FAM120B: variants seen among roughly 807,000 people sequenced by gnomAD.
FAM120B encodes constitutive coactivator of peroxisome proliferator-activated receptor gamma.
A neutral mutation model predicts 96.3 loss-of-function variants in FAM120B; 83 were observed. The observed-to-expected ratio is 0.86, with a 90% CI of 0.72 to 1.03. The LOEUF (loss-of-function observed/expected upper bound fraction) is 1.03, where lower values mean the gene tolerates loss of function less well. Among genes scored for constraint, FAM120B ranks in the 50% least tolerant of loss-of-function variants. The pLI, the probability that FAM120B is intolerant of heterozygous loss-of-function variation, is 0.00. For synonymous variants in FAM120B, 407 were observed against 402.7 expected, an observed-to-expected ratio of 1.01 and a Z score of -0.13; for missense variants, 1,027 against 1,121.2, an observed-to-expected ratio of 0.92 and a Z score of 1.20.
At chr6:170,310,184 C>T (rs528200654) in intron 1 of FAM120B, among the ~76,000 whole-genome samples, 14 of 152,308 alleles carry the variant, frequency 9.2e-5, no homozygotes, top group Admixed American at 8.5e-4. Context: ...AAATAAGTGT[C>T]TTGTGAGTAA....
intron 6 of FAM120B, among the ~76,000 whole-genome samples, chr6:170,379,217 C>A (rs1156598856): frequency 1.3e-5 from 2 of 152,216 alleles, no homozygotes; most frequent in Non-Finnish European, 2.9e-5. Flanking sequence ...TAACTTCTAA[C>A]TGAAGTTTAT....
chr6:170,314,036 G>GT (rs1474077697), intron 1 of FAM120B, among the ~76,000 whole-genome samples: 2 of 152,238 alleles, frequency 1.3e-5, no homozygotes, highest in African/African-American at 2.4e-5. Flanking sequence ...CTCAAGGTTT[G>GT]TAAGTTGAAA....
At chr6:170,337,966 C>CA (rs34223045) in intron 4 of FAM120B, among the ~76,000 whole-genome samples, 203 of 150,306 alleles carry the variant, frequency 1.4e-3, no homozygotes, top group African/African-American at 3.6e-3. Flanking sequence ...TTAATCTTTT[C>CA]AAAAAAAAAC....
chr6:170,369,359 C>T (rs1200534795), intron 6 of FAM120B, among the ~76,000 whole-genome samples: 1 of 152,194 alleles, frequency 6.6e-6, no homozygotes, highest in Non-Finnish European at 1.5e-5. Flanking sequence ...GTGCGTCTGC[C>T]TCCTGGACTT....
At chr6:170,303,404 C>A (rs1203159565), upstream of FAM120B, among the ~76,000 whole-genome samples, 1 of 152,042 alleles carries the variant, frequency 6.6e-6, no homozygotes, top group East Asian at 1.9e-4. Flanking sequence ...CATGCCTGGC[C>A]AATTTTTAAA....
At chr6:170,367,017 A>G (rs1788845323) in intron 6 of FAM120B, among the ~76,000 whole-genome samples, 1 of 152,232 alleles carries the variant, frequency 6.6e-6, no homozygotes, top group Admixed American at 6.5e-5. Flanking sequence ...TCTTCTCACC[A>G]GAAACAGTTC....
Position 170,323,130 on chromosome 6 carries a change from A to C in FAM120B, c.1786A>C (p.Met596Leu), listed in dbSNP as rs1258454745. The C allele has an allele frequency of 6.2e-7, 1 of 1,614,114 alleles. No individual in the cohort carries two copies. Among genetic ancestry groups the C allele is most frequent in the East Asian group, 2.2e-5 (1 of 44,868 alleles). Residue 596 changes from methionine to leucine, a missense_variant, in exon 3 of 11, where the codon ATG becomes CTG. Physicochemically the swap from Met to Leu is conservative, Grantham distance 15 (BLOSUM62 2). Around this residue, in one of 3 missense-constraint regions of FAM120B, gnomAD observed 880 missense variants for 980.9 expected, o/e 0.90. Coordinates refer to ENST00000476287, the MANE Select transcript of FAM120B (RefSeq NM_032448.3). ...AGAAAGCTACCTGGTGTACAACATC[A>C]TGAGCAGTGGAGAGATTGAATGCAG... ...QAESYLVYNI[M>L]SSGEIECSNT...
Position 170,318,934 on chromosome 6 carries a change from T to C in FAM120B, c.1544T>C (p.Ile515Thr). The C allele has an allele frequency of 8.7e-6, 14 of 1,614,212 alleles. No individual in the cohort carries two copies. Among genetic ancestry groups the C allele is most frequent in the Non-Finnish European group, 1.1e-5 (13 of 1,180,034 alleles). Residue 515 changes from isoleucine (I) to threonine (T), a missense_variant, in exon 2 of 11, where the codon ATA becomes ACA. Around this residue, in one of 3 missense-constraint regions of FAM120B, gnomAD observed 880 missense variants for 980.9 expected, o/e 0.90. Transcript: ENST00000476287. ...KQEVPICTDP[I>T]SKQEDSMCTH... ...GAAGTTCCCATATGTACAGATCCTATATCCAAGCAAGAAGACTCCATGTGT... is the reference window on the plus strand; with the variant it reads ...GAAGTTCCCATATGTACAGATCCTACATCCAAGCAAGAAGACTCCATGTGT...
chr6:170,343,405 A>G (rs59602101), intron 4 of FAM120B, among the ~76,000 whole-genome samples: 1 of 152,252 alleles, frequency 6.6e-6, no homozygotes, highest in East Asian at 1.9e-4. Flanking sequence ...GGAGAGAGCT[A>G]TGGAGGTATC....
chr6:170,387,586 C>T (rs1015484147), intron 6 of FAM120B, among the ~76,000 whole-genome samples: 1 of 152,094 alleles, frequency 6.6e-6, no homozygotes, highest in South Asian at 2.1e-4. Flanking sequence ...ATAGCTTCCC[C>T]GTTTGAGAAC....
chr6:170,380,483 T>C (rs557752043), intron 6 of FAM120B, among the ~76,000 whole-genome samples: 5 of 152,306 alleles, frequency 3.3e-5, no homozygotes, highest in Admixed American at 3.3e-4. Context: ...TGTACAAGGG[T>C]TCCCCTTTCT....
intron 1 of FAM120B, among the ~76,000 whole-genome samples, chr6:170,315,627 C>T (rs1181643163): frequency 6.6e-6 from 1 of 151,794 alleles, no homozygotes; most frequent in African/African-American, 2.4e-5. Flanking sequence ...TATTTAATAA[C>T]TTTATGAGCA....
At chr6:170,376,257 T>C (rs969012063) in intron 6 of FAM120B, among the ~76,000 whole-genome samples, 1 of 151,984 alleles carries the variant, frequency 6.6e-6, no homozygotes, top group Non-Finnish European at 1.5e-5. Context: ...GTGTATGAGA[T>C]CTGTTTCCAG....
intron 4 of FAM120B, among the ~76,000 whole-genome samples, chr6:170,334,097 TTC>T (rs1429619317): frequency 1.3e-5 from 2 of 152,224 alleles, no homozygotes; most frequent in Non-Finnish European, 1.5e-5. Context: ...GATTTGTCAA[TTC>T]TTCATTTTCA....
In FAM120B at chr6:170,338,844, C is replaced by CTTTTTTTTTTTTT. The variant is rs61188907; in HGVS notation, c.2017+8302_2017+8314dup. Among the ~76,000 whole-genome samples the CTTTTTTTTTTTTT allele has an allele frequency of 1.3e-4, 11 of 85,414 alleles. 1 individual carries two copies. Among genetic ancestry groups the CTTTTTTTTTTTTT allele is most frequent in the African/African-American group, 1.4e-4 (3 of 21,990 alleles). The allele number at this position is 85,414 out of a possible 152,430, so 56.0% of individuals were successfully genotyped here. ...TATTAGAGACTAGCATTGCAACCTG[C>CTTTTTTTTTTTTT]TTTTTTTTTTTTTTTTTTTTGCTTT... On this transcript the variant is annotated intron_variant, in intron 4 of 10. Coordinates refer to ENST00000476287, the MANE Select transcript of FAM120B (RefSeq NM_032448.3).
At chr6:170,385,775 A>G (rs745611239) in intron 6 of FAM120B, among the ~76,000 whole-genome samples, 3 of 152,238 alleles carry the variant, frequency 2.0e-5, no homozygotes, top group East Asian at 1.9e-4. Context: ...TGGTCCATCC[A>G]GACAGTGGAA....
chr6:170,370,907 G>A lies in FAM120B; in HGVS notation c.2283+12589G>A, dbSNP rs956895913. Among the ~76,000 whole-genome samples the A allele has an allele frequency of 6.6e-6, 1 of 152,042 alleles. No individual in the cohort carries two copies. Among genetic ancestry groups the A allele is most frequent in the Non-Finnish European group, 1.5e-5 (1 of 68,012 alleles). ...CACTTGGCCCTGTGTGCAGGCGGGA[G>A]TCAACACTGAGCCACCACCCCACCA... On this transcript the variant is annotated intron_variant, in intron 6 of 10. Transcript: ENST00000476287. The surrounding 1 kb of genome is among the most constrained non-coding windows in gnomAD (Gnocchi z 4.3).
chr6:170,383,620 G>A (rs1029661185), intron 6 of FAM120B, among the ~76,000 whole-genome samples: 2 of 152,174 alleles, frequency 1.3e-5, no homozygotes, highest in Admixed American at 1.3e-4. Context: ...GATTAGAGCA[G>A]CTAAAATTAA....
At chr6:170,321,426 T>A (rs1180645436) in intron 2 of FAM120B, among the ~76,000 whole-genome samples, 1 of 152,220 alleles carries the variant, frequency 6.6e-6, no homozygotes, top group East Asian at 1.9e-4. Context: ...AGGGTCTCAC[T>A]GTCACCCAGG....
Sources: gnomAD v4.1 joint callset for allele counts (sites outside exome capture counted in the v4.1 genomes callset) on GRCh38, gnomAD v4.1.1 for gene constraint, gnomAD v4.1.1 regional missense constraint, Gnocchi (gnomAD v3.1) non-coding constraint, MANE v1.5 for transcripts, NCBI Gene and HGNC (gene_info 2026-07-23, HGNC 2026-07-21) for gene names.